DLG2: variants seen among roughly 807,000 people sequenced by gnomAD.
DLG2 encodes the protein discs large MAGUK scaffold protein 2.
DLG2 carries 45 observed loss-of-function variants against 132.5 expected under a neutral mutation model. The ratio of observed to expected loss-of-function variants is 0.34; its 90% CI spans 0.27 to 0.44. The LOEUF is 0.44. Among genes scored for constraint, DLG2 ranks in the 20% least tolerant of loss-of-function variants. The probability of loss-of-function intolerance (pLI) is 1.00; values close to 1 mark genes in which losing one functional copy is unlikely to be tolerated. For missense variants in DLG2, 1,045 were observed against 1,196.9 expected (o/e 0.87, Z 1.87); for synonymous variants, 424 against 419.6 (o/e 1.01, Z -0.13).
intron 18 of DLG2, among the ~76,000 whole-genome samples, chr11:83,663,440 T>C (rs920916239): frequency 1.3e-5 from 2 of 152,140 alleles, no homozygotes; most frequent in African/African-American, 4.8e-5. Flanking sequence ...TCTCTATACA[T>C]AGGCAAAGGA....
At chr11:85,351,435 T>A (rs1241803832) in intron 3 of DLG2, among the ~76,000 whole-genome samples, 1 of 152,218 alleles carries the variant, frequency 6.6e-6, no homozygotes, top group Non-Finnish European at 1.5e-5. Flanking sequence ...TGGCAAGAAC[T>A]TCCAACACTA....
chr11:83,698,332 GT>G (rs1320303017), intron 18 of DLG2, among the ~76,000 whole-genome samples: 1 of 152,194 alleles, frequency 6.6e-6, no homozygotes, highest in African/African-American at 2.4e-5. Context: ...GGCAGTGGGT[GT>G]TTCATTTTCA....
chr11:84,776,940 A>G (rs2070651320), intron 6 of DLG2, among the ~76,000 whole-genome samples: 1 of 151,996 alleles, frequency 6.6e-6, no homozygotes, highest in Non-Finnish European at 1.5e-5. Context: ...TAATTTTGTT[A>G]TAAGCATAGA....
intron 7 of DLG2, among the ~76,000 whole-genome samples, chr11:84,463,533 G>T (rs1177070906): frequency 1.3e-5 from 2 of 151,208 alleles, no homozygotes; most frequent in African/African-American, 4.8e-5. Context: ...CTTGAGACAA[G>T]AGAAGGGGAG....
At position 84,712,771 on chromosome 11, in the gene DLG2, G is replaced by A. The variant is rs531723379; in HGVS notation, c.358-178040C>T. 2.9e-4 allele frequency among the ~76,000 whole-genome samples: 44 copies of A among 152,228 alleles called. 1 individual carries two copies. Among genetic ancestry groups the A allele is most frequent in the African/African-American group, 1.0e-3 (42 of 41,548 alleles). On this transcript the variant is annotated intron_variant, in intron 6 of 27. Coordinates refer to ENST00000376104, the MANE Select transcript of DLG2 (RefSeq NM_001142699.3). Reference sequence around the variant, plus strand: ...TTTTTACAACAGTCCTGAAAGGAGGGTGTTATTTTTCCAACTTCTTGCAGA... The same window carrying A: ...TTTTTACAACAGTCCTGAAAGGAGGATGTTATTTTTCCAACTTCTTGCAGA...
chr11:85,342,285 T>C (rs2082553743), intron 3 of DLG2, among the ~76,000 whole-genome samples: 1 of 152,178 alleles, frequency 6.6e-6, no homozygotes, highest in Admixed American at 6.5e-5. Context: ...TATATCCTTG[T>C]TTGTTAAGAT....
In DLG2 at chr11:84,756,433, T is replaced by G. The variant is rs1340520360; in HGVS notation, c.358-221702A>C. On this transcript the variant is annotated intron_variant, in intron 6 of 27. Coordinates refer to ENST00000376104, the MANE Select transcript of DLG2 (RefSeq NM_001142699.3). ...AATACACTCAAGCTATTGACTATGT[T>G]TATACAGTGATGTGGAGAAAAGAGA... is the stretch of plus-strand genomic sequence containing the variant. Among the ~76,000 whole-genome samples, 4 of 152,166 alleles carry G rather than the reference T, an allele frequency of 2.6e-5. No individual in the cohort carries two copies. The East Asian group carries it at 7.7e-4, about 29-fold the overall frequency.
intron 5 of DLG2, among the ~76,000 whole-genome samples, chr11:85,113,483 A>G (rs1352939071): frequency 6.6e-6 from 1 of 152,036 alleles, no homozygotes; most frequent in Non-Finnish European, 1.5e-5. Context: ...TGACACTAAG[A>G]TCTTCTCGTA....
At chr11:84,132,853 G>C (rs2094468755) in intron 9 of DLG2, among the ~76,000 whole-genome samples, 3 of 151,952 alleles carry the variant, frequency 2.0e-5, no homozygotes, top group Middle Eastern at 3.2e-3. Context: ...GGATGAAACA[G>C]CACTTCAACA....
intron 10 of DLG2, among the ~76,000 whole-genome samples, chr11:84,060,110 C>T (rs183611013): frequency 5.3e-4 from 80 of 152,092 alleles, no homozygotes; most frequent in East Asian, 3.3e-3. Context: ...GTCAGGGGTT[C>T]GAGACCAGCC....
At chr11:84,699,452 G>A (rs947666084) in intron 6 of DLG2, among the ~76,000 whole-genome samples, 1 of 151,556 alleles carries the variant, frequency 6.6e-6, no homozygotes, top group Non-Finnish European at 1.5e-5. Context: ...AGGATGAGCT[G>A]TATGGTGAGG....
intron 6 of DLG2, among the ~76,000 whole-genome samples, chr11:84,692,459 C>A (rs570951213): frequency 2.4e-4 from 37 of 151,646 alleles, no homozygotes; most frequent in Admixed American, 5.3e-4. Flanking sequence ...ATTAAAAAAA[C>A]AAATACATCT....
At chr11:85,036,880 G>C (rs758002105) in intron 6 of DLG2, among the ~76,000 whole-genome samples, 11 of 152,124 alleles carry the variant, frequency 7.2e-5, no homozygotes, top group Admixed American at 7.2e-4. Context: ...AGGGAGTGCT[G>C]ATCAGTTACA....
At chr11:85,157,487 G>C (rs145341615) in intron 4 of DLG2, among the ~76,000 whole-genome samples, 3 of 152,206 alleles carry the variant, frequency 2.0e-5, no homozygotes, top group South Asian at 4.1e-4. Flanking sequence ...TTCACCATTC[G>C]TGAGAGGCAA....
intron 3 of DLG2, among the ~76,000 whole-genome samples, chr11:85,421,770 T>A (rs2090332694): frequency 6.6e-6 from 1 of 152,118 alleles, no homozygotes. Context: ...TGTACTTTTG[T>A]TTTCTTGGTC....
intron 19 of DLG2, among the ~76,000 whole-genome samples, chr11:83,595,563 C>T (rs1715504187): frequency 6.6e-6 from 1 of 152,212 alleles, no homozygotes; most frequent in Admixed American, 6.6e-5. Flanking sequence ...ACAATTCAGG[C>T]TGATTTGCTG....
At chr11:84,719,282 G>T (rs1004853282) in intron 6 of DLG2, among the ~76,000 whole-genome samples, 2 of 152,138 alleles carry the variant, frequency 1.3e-5, no homozygotes, top group Admixed American at 6.5e-5. Context: ...AGAAAAATAG[G>T]AATTATGTGA....
intron 7 of DLG2, among the ~76,000 whole-genome samples, chr11:84,443,321 GTAAAAT>G (rs1404984583): frequency 0.099 from 15,131 of 152,102 alleles, 2,168 homozygotes; most frequent in African/African-American, 0.32. Flanking sequence ...CATAATATAG[GTAAAAT>G]CTCCACCCTA....
At chr11:85,346,219 G>A (rs992098988) in intron 3 of DLG2, among the ~76,000 whole-genome samples, 7 of 150,240 alleles carry the variant, frequency 4.7e-5, no homozygotes, top group South Asian at 4.2e-4. Context: ...ACAGAGTCTC[G>A]TTCTGTTGCC....
Sources: allele counts gnomAD v4.1 joint callset (sites outside exome capture counted in the v4.1 genomes callset), GRCh38; gene constraint gnomAD v4.1.1; transcripts MANE v1.5; gene names NCBI Gene and HGNC (gene_info 2026-07-23, HGNC 2026-07-21).